NOSTRIN: variants seen among roughly 807,000 people sequenced by gnomAD.
The protein encoded by NOSTRIN is BM247 homolog.
A neutral mutation model predicts 59.0 loss-of-function variants in NOSTRIN; 63 were observed. That is an observed-to-expected ratio of 1.07 (90% CI 0.87 to 1.32). The LOEUF (loss-of-function observed/expected upper bound fraction) is 1.32. Among genes scored for constraint, NOSTRIN ranks in the 40% most tolerant of loss-of-function variants. The pLI, the probability that NOSTRIN is intolerant of heterozygous loss-of-function variation, is 0.00. For missense variants in NOSTRIN, 512 were observed against 473.1 expected (o/e 1.08, Z -0.76); for synonymous variants, 200 against 165.4 (o/e 1.21, Z -1.61).
intron 8 of NOSTRIN, among the ~76,000 whole-genome samples, chr2:168,847,574 G>T (rs1688506255): frequency 6.6e-6 from 1 of 152,196 alleles, no homozygotes; most frequent in South Asian, 2.1e-4. Context: ...CAGCCCAAAG[G>T]CTAGGACAGC....
At chr2:168,855,617 AAGT>A (rs1178652710) in intron 11 of NOSTRIN, 157 bp downstream of exon 11, 4,835 of 280,132 alleles carry the variant, frequency 0.017, 187 homozygotes, top group African/African-American at 0.091. Flanking sequence ...AAAAAAAAAA[AAGT>A]AGAAGAAAAA....
chr2:168,820,982 T>G (rs1225010385), intron 2 of NOSTRIN, among the ~76,000 whole-genome samples: 1 of 152,190 alleles, frequency 6.6e-6, no homozygotes, highest in Admixed American at 6.5e-5. Flanking sequence ...CATTCAGGAT[T>G]GTTCTGGAGC....
intron 7 of NOSTRIN, 25 bp downstream of exon 7, chr2:168,834,350 G>C (rs554930515): frequency 1.2e-6 from 1 of 868,568 alleles, no homozygotes; most frequent in African/African-American, 1.6e-5. Flanking sequence ...CTGGCTGGGC[G>C]CATGTGCCAT....
rs1272910845 is a variant in NOSTRIN, at chr2:168,864,907, T to C, written c.1458T>C (p.His486=). Reference sequence around the variant, plus strand: ...GATCTTTGAATGGGAAAAAAGGCCATTTTCCTGCCGCTTATGTGGAGGAGT... The same window carrying C: ...GATCTTTGAATGGGAAAAAAGGCCACTTTCCTGCCGCTTATGTGGAGGAGT... ...WFGSLNGKKG[H]FPAAYVEELP... Residue 486 remains histidine (H), a synonymous_variant, in exon 16 of 16, where the codon CAT becomes CAC. Transcript: ENST00000317647. 8 of 1,613,972 alleles carry C rather than the reference T, an allele frequency of 5.0e-6. No individual in the cohort carries two copies. The highest frequency in any genetic ancestry group is 3.3e-4 in the Middle Eastern group (2 of 6,062).
chr2:168,862,182 G>C, intron 15 of NOSTRIN, 133 bp downstream of exon 15: 1 of 734,012 alleles, frequency 1.4e-6, no homozygotes, highest in Non-Finnish European at 2.3e-6. Context: ...TGAAAGATAA[G>C]CACATCTAAA....
intron 7 of NOSTRIN, among the ~76,000 whole-genome samples, 188 bp downstream of exon 7, chr2:168,834,513 A>ACGCGCG (rs1687594916): frequency 1.4e-5 from 2 of 141,672 alleles, no homozygotes; most frequent in South Asian, 4.5e-4. Flanking sequence ...GCGCGCACAC[A>ACGCGCG]CACACACACA....
chr2:168,856,368 C>G, intron 11 of NOSTRIN: 1 of 300,512 alleles, frequency 3.3e-6, no homozygotes, highest in Non-Finnish European at 6.4e-6. Context: ...CAAGGTCAGG[C>G]GCTGGAGACC....
At chr2:168,856,094 T>C (rs1193774963) in intron 11 of NOSTRIN, 3 of 224,770 alleles carry the variant, frequency 1.3e-5, no homozygotes, top group Admixed American at 1.1e-4. Context: ...GTTGGGTAAC[T>C]GTTAGCAATT....
upstream of NOSTRIN, among the ~76,000 whole-genome samples, chr2:168,798,444 C>T (rs1306168109): frequency 2.0e-5 from 3 of 152,130 alleles, no homozygotes; most frequent in African/African-American, 7.2e-5. Flanking sequence ...AATGCGTACT[C>T]ATGTTGTTAA....
At chr2:168,848,722 G>A (rs980123983) in intron 8 of NOSTRIN, among the ~76,000 whole-genome samples, 1 of 152,184 alleles carries the variant, frequency 6.6e-6, no homozygotes, top group Non-Finnish European at 1.5e-5. Flanking sequence ...CTTGTAAGAG[G>A]TATCAAGAGT....
At chr2:168,804,280 T>C (rs984576106) in intron 1 of NOSTRIN, among the ~76,000 whole-genome samples, 3 of 152,180 alleles carry the variant, frequency 2.0e-5, no homozygotes, top group African/African-American at 7.2e-5. Context: ...CCTTGTGCTA[T>C]GCTGGGCCAA....
chr2:168,801,705 C>G (rs1392552109), upstream of NOSTRIN, among the ~76,000 whole-genome samples: 2 of 152,194 alleles, frequency 1.3e-5, no homozygotes, highest in African/African-American at 4.8e-5. Context: ...TGTCCACAGT[C>G]TAGCAAATGG....
intron 2 of NOSTRIN, chr2:168,818,333 T>C (rs1196465681): frequency 7.3e-6 from 2 of 272,672 alleles, no homozygotes; most frequent in Admixed American, 7.9e-5. Flanking sequence ...TTAAACAAAT[T>C]TTTTGTAGAA....
intron 12 of NOSTRIN, among the ~76,000 whole-genome samples, chr2:168,858,258 G>A (rs1035537846): frequency 2.6e-5 from 4 of 152,238 alleles, no homozygotes; most frequent in Non-Finnish European, 5.9e-5. Flanking sequence ...AACTTCCAAT[G>A]TTTATGATCT....
chr2:168,848,867 G>A (rs13391714), intron 8 of NOSTRIN, among the ~76,000 whole-genome samples: 3,085 of 152,234 alleles, frequency 0.02, 108 homozygotes, highest in African/African-American at 0.07. Flanking sequence ...AATTATGGTG[G>A]TGTTTGCATA....
intron 11 of NOSTRIN, chr2:168,856,172 G>A (rs1689093134): frequency 4.6e-6 from 1 of 218,848 alleles, no homozygotes; most frequent in Non-Finnish European, 9.2e-6. Context: ...GATGCTTTAA[G>A]CACCAGCACT....
chr2:168,862,109 A>G, intron 15 of NOSTRIN, 60 bp downstream of exon 15: 1 of 1,477,856 alleles, frequency 6.8e-7, no homozygotes, highest in Non-Finnish European at 9.5e-7. Flanking sequence ...TAGCATGAAT[A>G]AAACCCTGTC....
intron 7 of NOSTRIN, among the ~76,000 whole-genome samples, chr2:168,837,265 A>ACAT (rs1268658154): frequency 1.4e-5 from 2 of 140,482 alleles, no homozygotes; most frequent in Non-Finnish European, 3.1e-5. Context: ...TTTTTACAAT[A>ACAT]CATCTTTTTT....
chr2:168,848,336 C>T (rs78156587), intron 8 of NOSTRIN, among the ~76,000 whole-genome samples: 2,541 of 152,282 alleles, frequency 0.017, 57 homozygotes, highest in African/African-American at 0.056. Flanking sequence ...AGGGGACTGC[C>T]AGCGTAAACC....
Sources: allele counts gnomAD v4.1 joint callset (sites outside exome capture counted in the v4.1 genomes callset), GRCh38; gene constraint gnomAD v4.1.1; transcripts MANE v1.5; gene names NCBI Gene and HGNC (gene_info 2026-07-23, HGNC 2026-07-21).